Variants in TMEM80 observed in about 807,000 individuals in gnomAD.
TMEM80 encodes transmembrane protein 80.
Under a neutral mutation model 13.6 loss-of-function variants are expected in TMEM80, and 16 were observed. The observed-to-expected ratio is 1.17, with a 90% CI of 0.79 to 1.78. The LOEUF is 1.78. Ranked by LOEUF, TMEM80 falls within the 40% of genes most tolerant of loss-of-function variation. TMEM80 has a pLI of 0.00. For missense variants in TMEM80, 167 were observed against 184.6 expected (o/e 0.90, Z 0.55); for synonymous variants, 92 against 89.5 (o/e 1.03, Z -0.16).
chr11:702,098 G>A (rs774749172), intron 4 of TMEM80, among the ~76,000 whole-genome samples: 15 of 152,150 alleles, frequency 9.9e-5, no homozygotes, highest in Non-Finnish European at 1.8e-4. Context: ...CCTGATGCCT[G>A]ATGTCCAGTG....
At chr11:701,375 GTTTTT>G (rs71464108) in intron 4 of TMEM80, among the ~76,000 whole-genome samples, 1 of 124,278 alleles carries the variant, frequency 8.0e-6, no homozygotes. Context: ...GTTTTGTTTT[GTTTTT>G]TTTTGGTAGA....
At chr11:701,722 C>T (rs77250085) in intron 4 of TMEM80, among the ~76,000 whole-genome samples, 8,316 of 152,104 alleles carry the variant, frequency 0.055, 399 homozygotes, top group East Asian at 0.19. Context: ...GACAGGGTTT[C>T]GCTATGTTAC....
downstream of TMEM80, chr11:704,425 C>G (rs1286198019): frequency 7.8e-7 from 1 of 1,286,632 alleles, no homozygotes; most frequent in Non-Finnish European, 1.0e-6. Flanking sequence ...TTCCTTTGAC[C>G]TGTCTGTGGC....
At chr11:701,700 C>T (rs971110927) in intron 4 of TMEM80, among the ~76,000 whole-genome samples, 20 of 152,112 alleles carry the variant, frequency 1.3e-4, no homozygotes, top group South Asian at 4.1e-4. Context: ...TGAGCCACCG[C>T]GCCCGGCCGG....
rs910748804 is a variant in TMEM80 at position 695,965 on chromosome 11, T to C, written c.19+119T>C. The C allele has an allele frequency of 1.1e-5, 9 of 796,824 alleles. No individual in the cohort carries two copies. In the African/African-American group the frequency reaches 1.6e-4, roughly 14 times the overall value. 49.4% of individuals were successfully genotyped at this position (796,824 alleles called of 1,614,324 possible). A position where few individuals can be genotyped will look rare whatever the true frequency, so the allele number is the denominator to read the frequency against. ...ACGGGGCCGTGCCACCGTCTCTACG[T>C]GAGCGAGACAGCTCCGTCACCCCAT... On this transcript the variant is annotated intron_variant, in intron 1 of 4. Coordinates refer to ENST00000397510, the MANE Select transcript of TMEM80 (RefSeq NM_001042463.3).
At chr11:697,849 A>C (rs899821006) in intron 1 of TMEM80, 1 of 152,240 alleles carries the variant, frequency 6.6e-6, no homozygotes, top group Non-Finnish European at 1.5e-5. Flanking sequence ...TGAGTCTCTG[A>C]TGCCGATGTC....
At chr11:699,106 C>T in intron 2 of TMEM80, 1 of 555,368 alleles carries the variant, frequency 1.8e-6, no homozygotes, top group Non-Finnish European at 3.2e-6. Flanking sequence ...CACAAAGTGG[C>T]TAAGCACGCC....
At chr11:697,044 T>C (rs1484545218) in intron 1 of TMEM80, among the ~76,000 whole-genome samples, 1 of 149,476 alleles carries the variant, frequency 6.7e-6, no homozygotes, top group African/African-American at 2.5e-5. Flanking sequence ...AGGTTGCAGT[T>C]GGCCAAGATC....
At chr11:695,811 C>CGGGCG (rs1861109218), upstream of TMEM80, 1 of 1,232,202 alleles carries the variant, frequency 8.1e-7, no homozygotes, top group Non-Finnish European at 1.0e-6. Flanking sequence ...GACGGACCGG[C>CGGGCG]GGGCGGGGCG....
chr11:698,488 CAT>C (rs753992644), intron 1 of TMEM80, among the ~76,000 whole-genome samples: 6 of 152,334 alleles, frequency 3.9e-5, no homozygotes, highest in Admixed American at 6.5e-5. Flanking sequence ...TTCATCTAGT[CAT>C]ATATGTGTGG....
At position 703,370 on chromosome 11, in the gene TMEM80, T is replaced by A; in HGVS notation, c.*220T>A. ...GTGTTGGGAACAGCTGCGGGGAGGG[T>A]AGGGACCAGACAGAACTGCCTTCAA... On this transcript the variant is annotated 3_prime_UTR_variant, in exon 5 of 5. Coordinates refer to ENST00000397510, the MANE Select transcript of TMEM80 (RefSeq NM_001042463.3). 1 of 1,389,168 alleles carries A rather than the reference T, an allele frequency of 7.2e-7. No individual in the cohort carries two copies. 86.1% of individuals were successfully genotyped at this position (1,389,168 alleles called of 1,614,324 possible). A position where few individuals can be genotyped will look rare whatever the true frequency, so the allele number is the denominator to read the frequency against.
chr11:698,922 C>T, intron 2 of TMEM80, 34 bp downstream of exon 2: 1 of 1,613,838 alleles, frequency 6.2e-7, no homozygotes, highest in Non-Finnish European at 8.5e-7. Context: ...GGACAGCACC[C>T]AGAGGCCCGA....
At chr11:701,524 T>C (rs1206340685) in intron 4 of TMEM80, among the ~76,000 whole-genome samples, 29 of 151,234 alleles carry the variant, frequency 1.9e-4, no homozygotes, top group Admixed American at 1.1e-3. Flanking sequence ...CAGTCTCCTG[T>C]CTCAGCCTCC....
chr11:696,813 C>T (rs1283012259), intron 1 of TMEM80, among the ~76,000 whole-genome samples: 1 of 9,850 alleles, frequency 1.0e-4, no homozygotes, highest in Non-Finnish European at 3.0e-4. Flanking sequence ...GGCGCAGTAG[C>T]TCACGCCTGT....
downstream of TMEM80, chr11:704,305 GCCTCCACTGGGGCTC>G (rs1861627472): frequency 9.8e-6 from 7 of 715,852 alleles, no homozygotes; most frequent in Admixed American, 2.7e-5. Flanking sequence ...ACTGTCCTGG[GCCTCCACTGGGGCTC>G]CCTCGGCTGG....
intron 1 of TMEM80, 137 bp downstream of exon 1, chr11:695,983 C>A: frequency 1.4e-6 from 1 of 723,822 alleles, no homozygotes; most frequent in Non-Finnish European, 1.9e-6. Context: ...ACAGCTCCGT[C>A]ACCCCATCGA....
In TMEM80 at chr11:695,820, C is replaced by G. The variant is rs973701600; in HGVS notation, c.-8C>G. 2 of 1,231,362 alleles carry G rather than the reference C, an allele frequency of 1.6e-6. No individual in the cohort carries two copies. The highest frequency in any genetic ancestry group is 2.0e-6 in the Non-Finnish European group (2 of 986,748). The allele number at this position is 1,231,362 out of a possible 1,614,324, so 76.3% of individuals were successfully genotyped here. On this transcript the variant is annotated 5_prime_UTR_variant, in exon 1 of 5. Transcript: ENST00000397510. ...GATCGCGACGGACCGGCGGGCGGGG[C>G]GGGTAAGATGGCGGCCCCGCGGCGA... is the stretch of plus-strand genomic sequence containing the variant.
At chr11:699,140 G>A (rs1861332657) in intron 2 of TMEM80, 1 of 500,678 alleles carries the variant, frequency 2.0e-6, no homozygotes, top group Non-Finnish European at 3.6e-6. Context: ...CCAAGGCGAT[G>A]GCCACCTGCC....
chr11:703,250 C>G lies in TMEM80; in HGVS notation c.*100C>G. The G allele has an allele frequency of 6.9e-7, 1 of 1,458,062 alleles. No homozygotes were observed. Among genetic ancestry groups the G allele is most frequent in the Non-Finnish European group, 9.1e-7 (1 of 1,098,676 alleles). 90.3% of individuals were successfully genotyped at this position (1,458,062 alleles called of 1,614,324 possible). ...ATTCCTGGACAGGAAGGGCACTTTTCCTAGTGACTGGCCATAGATGGTTTT... is the reference window on the plus strand; with the variant it reads ...ATTCCTGGACAGGAAGGGCACTTTTGCTAGTGACTGGCCATAGATGGTTTT... On this transcript the variant is annotated 3_prime_UTR_variant, in exon 5 of 5. Coordinates refer to ENST00000397510, the MANE Select transcript of TMEM80 (RefSeq NM_001042463.3).
Sources: gnomAD v4.1 joint callset for allele counts (sites outside exome capture counted in the v4.1 genomes callset) on GRCh38, gnomAD v4.1.1 for gene constraint, MANE v1.5 for transcripts, NCBI Gene and HGNC (gene_info 2026-07-23, HGNC 2026-07-21) for gene names.